TP53BP1: variants seen among roughly 807,000 people sequenced by gnomAD.
The protein encoded by TP53BP1 is TP53-binding protein 1.
A neutral mutation model predicts 200.8 loss-of-function variants in TP53BP1; 61 were observed. That is an observed-to-expected ratio of 0.30 (90% CI 0.25 to 0.38). TP53BP1 has a LOEUF of 0.38. Among genes scored for constraint, TP53BP1 ranks in the 10% least tolerant of loss-of-function variants. The probability of loss-of-function intolerance (pLI) is 1.00; values close to 1 mark genes in which losing one functional copy is unlikely to be tolerated. For synonymous variants in TP53BP1, 822 were observed against 844.3 expected, an observed-to-expected ratio of 0.97 and a Z score of 0.46; for missense variants, 2,144 against 2,371.9, an observed-to-expected ratio of 0.90 and a Z score of 2.00.
intron 19 of TP53BP1, 100 bp from the exon 20 acceptor site, chr15:43,421,274 T>G: frequency 7.7e-7 from 1 of 1,300,324 alleles, no homozygotes; most frequent in Middle Eastern, 1.9e-4. Flanking sequence ...GGCCTACATG[T>G]GCTGAGCCTT....
intron 14 of TP53BP1, among the ~76,000 whole-genome samples, chr15:43,443,844 G>C (rs1034674535): frequency 6.6e-6 from 1 of 152,162 alleles, no homozygotes; most frequent in East Asian, 1.9e-4. Flanking sequence ...ATTTATACCA[G>C]CCTTAGAGAA....
upstream of TP53BP1, chr15:43,493,286 C>T: frequency 1.0e-5 from 14 of 1,335,394 alleles, no homozygotes; most frequent in Non-Finnish European, 1.4e-5. Flanking sequence ...AGGAACACGG[C>T]GGCGCGTTTC....
intron 11 of TP53BP1, among the ~76,000 whole-genome samples, chr15:43,467,324 A>G (rs1173313501): frequency 2.6e-5 from 4 of 152,044 alleles, no homozygotes; most frequent in Non-Finnish European, 4.4e-5. Flanking sequence ...TCGGCCTCCC[A>G]AAGTGCTGCA....
intron 15 of TP53BP1, 157 bp downstream of exon 15, chr15:43,441,368 TA>T: frequency 1.8e-6 from 1 of 555,704 alleles, no homozygotes; most frequent in Non-Finnish European, 3.2e-6. Context: ...AAGTATTAAC[TA>T]AAAAGTCTAT....
rs1461672137 is a variant in TP53BP1, at chr15:43,480,876, G to GA, written c.499+18dup. On this transcript the variant is annotated intron_variant, in intron 5 of 27. Coordinates refer to ENST00000382044, the MANE Select transcript of TP53BP1 (RefSeq NM_001141980.3). ...GGAAGTTAGAACAGTCTATTATTCTGAAAAAAGCACAAGGCTACCTTCAGC... is the reference window on the plus strand; with the variant it reads ...GGAAGTTAGAACAGTCTATTATTCTGAAAAAAAGCACAAGGCTACCTTCAGC... 5 of 1,613,612 alleles carry GA rather than the reference G, an allele frequency of 3.1e-6. No individual in the cohort carries two copies. Among genetic ancestry groups the GA allele is most frequent in the African/African-American group, 2.7e-5 (2 of 74,916 alleles).
intron 16 of TP53BP1, among the ~76,000 whole-genome samples, chr15:43,436,458 G>A (rs906462955): frequency 1.3e-5 from 2 of 149,360 alleles, no homozygotes; most frequent in African/African-American, 4.8e-5. Flanking sequence ...TTCCATATAA[G>A]ATACTATTTA....
At chr15:43,442,815 CTTTTTTT>C (rs71111818) in intron 14 of TP53BP1, among the ~76,000 whole-genome samples, 11 of 61,036 alleles carry the variant, frequency 1.8e-4, no homozygotes, top group Non-Finnish European at 2.3e-4. Flanking sequence ...CAGTAATATT[CTTTTTTT>C]TTTTTTTTTT....
At chr15:43,431,139 A>G (rs2045659697) in intron 17 of TP53BP1, among the ~76,000 whole-genome samples, 1 of 152,226 alleles carries the variant, frequency 6.6e-6, no homozygotes. Flanking sequence ...CCTAGCCAGG[A>G]CTAAGAGGGA....
rs553766593 is a variant in TP53BP1 at position 43,429,726 on chromosome 15, AT to A, written c.3676-1559del. Among the ~76,000 whole-genome samples, 30 of 152,324 alleles carry A rather than the reference AT, an allele frequency of 2.0e-4. No individual in the cohort carries two copies. The East Asian group carries it at 5.8e-3, about 29-fold the overall frequency. Reference sequence around the variant, plus strand: ...GGCATGAAACGCTACTCATCCAATTATTTAAAATACTTCTACATACTTCTAC... The same window carrying A: ...GGCATGAAACGCTACTCATCCAATTATTAAAATACTTCTACATACTTCTAC... On this transcript the variant is annotated intron_variant, in intron 17 of 27. Transcript: ENST00000382044.
intron 10 of TP53BP1, among the ~76,000 whole-genome samples, chr15:43,473,662 C>A (rs982696125): frequency 3.9e-5 from 6 of 151,992 alleles, no homozygotes; most frequent in Non-Finnish European, 7.4e-5. Flanking sequence ...GGTGCATTCA[C>A]AAACTCAGAG....
intron 12 of TP53BP1, among the ~76,000 whole-genome samples, chr15:43,449,968 A>C (rs140926541): frequency 6.6e-6 from 1 of 152,304 alleles, no homozygotes; most frequent in East Asian, 1.9e-4. Flanking sequence ...TTAAAAATAC[A>C]TTTGCTGGTA....
chr15:43,506,087 A>G (rs897469668), intron 1 of TP53BP1, among the ~76,000 whole-genome samples: 4 of 152,226 alleles, frequency 2.6e-5, no homozygotes, highest in African/African-American at 9.6e-5. Context: ...TCAGGCTAGA[A>G]GAGAAGGCCC....
intron 11 of TP53BP1, among the ~76,000 whole-genome samples, chr15:43,463,942 T>C (rs910161438): frequency 3.9e-5 from 6 of 152,322 alleles, no homozygotes; most frequent in South Asian, 2.1e-4. Flanking sequence ...CTTCCATTAA[T>C]AGACCTCTAG....
At position 43,432,318 on chromosome 15, in the gene TP53BP1, T is replaced by C; in HGVS notation, c.3551A>G (p.Glu1184Gly). ...CTGGTCCACTGTACTGGTCCCCTGC[T>C]CACACACATTCTTTATAGTCTGGGT... ...AATQTIKNVC[E>G]QGTSTVDQNF... is the part of the protein sequence containing the mutation. Residue 1184 changes from glutamate to glycine, a missense_variant, in exon 17 of 28, where the codon GAG becomes GGG. This residue lies in a region of TP53BP1 where 1,700 missense variants were observed against 1,710.3 expected (regional missense o/e 0.99). Transcript: ENST00000382044. The C allele has an allele frequency of 6.2e-7, 1 of 1,614,226 alleles. No homozygotes were observed. Among genetic ancestry groups the C allele is most frequent in the Non-Finnish European group, 8.5e-7 (1 of 1,180,022 alleles).
chr15:43,434,543 G>T (rs575340290), intron 16 of TP53BP1, among the ~76,000 whole-genome samples: 2 of 152,100 alleles, frequency 1.3e-5, no homozygotes, highest in African/African-American at 4.8e-5. Flanking sequence ...AACCACCAAG[G>T]TGATGGTATT....
In TP53BP1 at chr15:43,416,496, G is replaced by A. The variant is rs1276921117; in HGVS notation, c.4682-80C>T. 2.9e-6 allele frequency: 4 copies of A among 1,392,560 alleles called. No homozygotes were observed. In the Admixed American group the frequency reaches 8.8e-5, roughly 31 times the overall value. The allele number at this position is 1,392,560 out of a possible 1,614,324, so 86.3% of individuals were successfully genotyped here. A position where few individuals can be genotyped will look rare whatever the true frequency, so the allele number is the denominator to read the frequency against. ...CCTCTCACAAGGGCTCTGTAAAGCA[G>A]GCCTGAGTTAGGGAATTTAGAGATC... On this transcript the variant is annotated intron_variant, in intron 21 of 27. Transcript: ENST00000382044.
chr15:43,490,378 A>G (rs977718857), intron 4 of TP53BP1, among the ~76,000 whole-genome samples: 1 of 149,472 alleles, frequency 6.7e-6, no homozygotes, highest in Non-Finnish European at 1.5e-5. Flanking sequence ...GTGAGCTACC[A>G]CACCCAGTCC....
chr15:43,435,744 G>A lies in TP53BP1; in HGVS notation c.3191+2580C>T, dbSNP rs531978638. ...ATAACTCTCACTCTCTCGCCAGGCT[G>A]TAGTGCAGTGGCACCATCTTGGCTC... is the stretch of plus-strand genomic sequence containing the variant. On this transcript the variant is annotated intron_variant, in intron 16 of 27. Transcript: ENST00000382044. Among the ~76,000 whole-genome samples the A allele has an allele frequency of 3.3e-5, 5 of 151,528 alleles. No homozygotes were observed. In the South Asian group the frequency reaches 1.0e-3, roughly 32 times the overall value.
chr15:43,407,031 T>TAGAC lies in TP53BP1; in HGVS notation c.*348_*351dup. 2 of 247,406 alleles carry TAGAC rather than the reference T, an allele frequency of 8.1e-6. No homozygotes were observed. Among genetic ancestry groups the TAGAC allele is most frequent in the Admixed American group, 5.0e-5 (1 of 19,908 alleles). The allele number at this position is 247,406 out of a possible 1,614,324, so 15.3% of individuals were successfully genotyped here. ...CTGAGTTTCTGCAAGCATAGCATTT[T>TAGAC]AGACACCCTGGAATAACCTTTTGGG... is the stretch of plus-strand genomic sequence containing the variant. On this transcript the variant is annotated 3_prime_UTR_variant, in exon 28 of 28. Coordinates refer to ENST00000382044, the MANE Select transcript of TP53BP1 (RefSeq NM_001141980.3).
Sources: allele counts gnomAD v4.1 joint callset (sites outside exome capture counted in the v4.1 genomes callset), GRCh38; gene constraint gnomAD v4.1.1; regional missense constraint gnomAD v4.1.1; transcripts MANE v1.5; gene names NCBI Gene and HGNC (gene_info 2026-07-23, HGNC 2026-07-21).